TEX9: variants seen among roughly 807,000 people sequenced by gnomAD.
TEX9 encodes testis expressed 9.
Under a neutral mutation model 59.6 loss-of-function variants are expected in TEX9, and 74 were observed. The observed-to-expected ratio is 1.24, with a 90% CI of 1.03 to 1.51. TEX9 has a LOEUF of 1.51. Among genes scored for constraint, TEX9 ranks in the 40% most tolerant of loss-of-function variants. The pLI, the probability that TEX9 is intolerant of heterozygous loss-of-function variation, is 0.00. For missense variants in TEX9, 522 were observed against 447.8 expected (o/e 1.17, Z -1.49); for synonymous variants, 186 against 152.2 (o/e 1.22, Z -1.64).
chr15:56,335,950 A>C (rs2114185), intron 1 of TEX9, among the ~76,000 whole-genome samples: 86,441 of 151,902 alleles, frequency 0.57, 24,841 homozygotes, highest in Non-Finnish European at 0.6. Context: ...ACAGGGATTC[A>C]ACTTCATGTG....
chr15:56,397,759 T>TCATGAGAA (rs2048548744), intron 9 of TEX9: 1 of 152,232 alleles, frequency 6.6e-6, no homozygotes, highest in South Asian at 2.1e-4. Context: ...TGTGCTGTTC[T>TCATGAGAA]CATGAGAGTG....
intron 1 of TEX9, among the ~76,000 whole-genome samples, chr15:56,253,741 G>A (rs1375822707): frequency 1.3e-5 from 2 of 152,060 alleles, no homozygotes; most frequent in East Asian, 3.9e-4. Context: ...GACTGAAAAT[G>A]TCACTTATCG....
intron 12 of TEX9, among the ~76,000 whole-genome samples, chr15:56,436,019 A>G (rs2050718472): frequency 6.6e-6 from 1 of 152,072 alleles, no homozygotes; most frequent in Non-Finnish European, 1.5e-5. Flanking sequence ...ACTTGGCTAA[A>G]GAAGAAAAAG....
intron 1 of TEX9, among the ~76,000 whole-genome samples, chr15:56,283,406 G>T (rs574510615): frequency 1.2e-4 from 19 of 152,096 alleles, no homozygotes; most frequent in Middle Eastern, 3.4e-3. Flanking sequence ...TAACTGTGCA[G>T]TTACAAATAC....
chr15:56,444,523 G>T, intron 12 of TEX9: 1 of 1,611,076 alleles, frequency 6.2e-7, no homozygotes. Flanking sequence ...TAAGCTTCCT[G>T]CTTTTTTTTT....
chr15:56,423,184 A>C (rs1269813738), intron 10 of TEX9, among the ~76,000 whole-genome samples: 1 of 152,124 alleles, frequency 6.6e-6, no homozygotes, highest in Non-Finnish European at 1.5e-5. Context: ...GGTTGATTTG[A>C]AATCTTCTTT....
intron 1 of TEX9, among the ~76,000 whole-genome samples, chr15:56,328,095 T>C (rs140653613): frequency 1.3e-5 from 2 of 151,318 alleles, no homozygotes; most frequent in African/African-American, 4.9e-5. Context: ...CTTCTGCTTG[T>C]AAGGAGAGGG....
In TEX9 at chr15:56,286,356, A is replaced by G. The variant is rs188387084; in HGVS notation, c.-107+42078A>G. 4.6e-5 allele frequency among the ~76,000 whole-genome samples: 7 copies of G among 152,310 alleles called. No homozygotes were observed. In the South Asian group the frequency reaches 1.0e-3, roughly 23 times the overall value. ...AAAATAACAGCTTCTTAGACTGAGG[A>G]TAGGCGATGAAAATGAGATCTGTGG... On this transcript the variant is annotated intron_variant, in intron 1 of 5. Transcript: ENST00000560827.
chr15:56,402,823 G>T (rs187518182), intron 9 of TEX9, among the ~76,000 whole-genome samples: 2 of 152,284 alleles, frequency 1.3e-5, no homozygotes, highest in Non-Finnish European at 2.9e-5. Context: ...AACAAGGCTG[G>T]TTCAACATAC....
At chr15:56,409,848 C>G (rs2049265068) in intron 9 of TEX9, 1 of 152,232 alleles carries the variant, frequency 6.6e-6, no homozygotes, top group Non-Finnish European at 1.5e-5. Context: ...GAAGACTTCC[C>G]TGACCACTTT....
At chr15:56,394,084 T>C in intron 7 of TEX9, 81 bp from the exon 8 acceptor site, 1 of 1,333,278 alleles carries the variant, frequency 7.5e-7, no homozygotes, top group Non-Finnish European at 1.0e-6. Flanking sequence ...TTTTCTTCTT[T>C]ATAAAGTAAT....
chr15:56,442,201 C>G (rs2050827630), intron 12 of TEX9, among the ~76,000 whole-genome samples: 1 of 151,990 alleles, frequency 6.6e-6, no homozygotes. Context: ...TCACATCAGT[C>G]AGAATGGCTA....
chr15:56,447,801 C>G (rs1161763541), downstream of TEX9: 2 of 152,134 alleles, frequency 1.3e-5, no homozygotes, highest in African/African-American at 4.8e-5. Context: ...TGTGGTACCT[C>G]TCTTCTACCC....
At chr15:56,438,835 T>C (rs78908536) in intron 12 of TEX9, among the ~76,000 whole-genome samples, 8,919 of 152,184 alleles carry the variant, frequency 0.059, 677 homozygotes, top group East Asian at 0.38. Flanking sequence ...GCGAAGGATA[T>C]GAATAGACAC....
intron 1 of TEX9, among the ~76,000 whole-genome samples, chr15:56,264,178 C>T (rs1398924076): frequency 1.3e-5 from 2 of 152,082 alleles, no homozygotes; most frequent in Admixed American, 6.6e-5. Context: ...ATAGTCGCAC[C>T]GTTTTTGAAT....
intron 12 of TEX9, chr15:56,429,383 T>G: frequency 2.2e-6 from 1 of 462,092 alleles, no homozygotes; most frequent in Non-Finnish European, 3.8e-6. Flanking sequence ...TGAATATTCC[T>G]AGACTGACCC....
chr15:56,301,012 A>C (rs1223000317), intron 1 of TEX9, among the ~76,000 whole-genome samples: 1 of 152,240 alleles, frequency 6.6e-6, no homozygotes, highest in Non-Finnish European at 1.5e-5. Flanking sequence ...TGAAATAAAT[A>C]AGGCACTTGG....
chr15:56,250,887 A>G (rs1365476573), intron 1 of TEX9, among the ~76,000 whole-genome samples: 1 of 152,250 alleles, frequency 6.6e-6, no homozygotes, highest in East Asian at 1.9e-4. Context: ...CCACATCTGC[A>G]AAATACGTAC....
At chr15:56,266,637 C>T (rs1202694437) in intron 1 of TEX9, among the ~76,000 whole-genome samples, 1 of 152,112 alleles carries the variant, frequency 6.6e-6, no homozygotes, top group Non-Finnish European at 1.5e-5. Flanking sequence ...TCATCCATGT[C>T]GCTACAAAGG....
Sources: allele counts gnomAD v4.1 joint callset (sites outside exome capture counted in the v4.1 genomes callset), GRCh38; gene constraint gnomAD v4.1.1; transcripts MANE v1.5; gene names NCBI Gene and HGNC (gene_info 2026-07-23, HGNC 2026-07-21).